NOL4: variants seen among roughly 807,000 people sequenced by gnomAD.
NOL4 encodes the protein nucleolar protein 4.
NOL4 carries 17 observed loss-of-function variants against 75.9 expected under a neutral mutation model. The observed-to-expected ratio is 0.22, with a 90% CI of 0.15 to 0.34. The LOEUF (loss-of-function observed/expected upper bound fraction) is 0.34. Among genes scored for constraint, NOL4 ranks in the 10% least tolerant of loss-of-function variants. NOL4 has a pLI of 1.00. For missense variants in NOL4, 614 were observed against 793.5 expected, an observed-to-expected ratio of 0.77 and a Z score of 2.72; for synonymous variants, 292 against 289.9, an observed-to-expected ratio of 1.01 and a Z score of -0.07.
At chr18:33,885,175 C>T (rs1056299184) in intron 9 of NOL4, among the ~76,000 whole-genome samples, 14 of 152,080 alleles carry the variant, frequency 9.2e-5, no homozygotes, top group Non-Finnish European at 1.8e-4. Context: ...AAAAATCATT[C>T]CTCTGAGATA....
chr18:34,191,010 G>A (rs1465453175), intron 1 of NOL4, among the ~76,000 whole-genome samples: 2 of 151,986 alleles, frequency 1.3e-5, no homozygotes, highest in Non-Finnish European at 2.9e-5. Flanking sequence ...TAAAGATATT[G>A]CTTAAAAATC....
intron 10 of NOL4, among the ~76,000 whole-genome samples, chr18:33,870,349 G>A (rs1320353658): frequency 2.0e-5 from 3 of 152,016 alleles, no homozygotes; most frequent in Non-Finnish European, 4.4e-5. Flanking sequence ...TGAATAGGGA[G>A]TAGGGAATAT....
chr18:33,871,642 G>T (rs905943323), intron 10 of NOL4, among the ~76,000 whole-genome samples: 3 of 151,974 alleles, frequency 2.0e-5, no homozygotes, highest in Non-Finnish European at 4.4e-5. Context: ...AAGAAGGAAG[G>T]TCCCAGGATA....
chr18:33,970,988 G>C (rs776611754), intron 6 of NOL4, among the ~76,000 whole-genome samples: 1 of 152,146 alleles, frequency 6.6e-6, no homozygotes, highest in Non-Finnish European at 1.5e-5. Context: ...GAAGGAAAAG[G>C]TGGTGTGCTT....
At chr18:34,090,972 A>T (rs577542909) in intron 5 of NOL4, among the ~76,000 whole-genome samples, 1 of 152,214 alleles carries the variant, frequency 6.6e-6, no homozygotes, top group South Asian at 2.1e-4. Flanking sequence ...ATTGAAACTT[A>T]ATCTCCAGCA....
intron 9 of NOL4, among the ~76,000 whole-genome samples, chr18:33,903,838 T>A (rs1019518848): frequency 6.6e-6 from 1 of 152,102 alleles, no homozygotes; most frequent in Non-Finnish European, 1.5e-5. Context: ...ACTAGGCCAA[T>A]CCATTTTGCA....
intron 5 of NOL4, among the ~76,000 whole-genome samples, chr18:34,079,224 C>G (rs1225239436): frequency 6.6e-6 from 1 of 152,066 alleles, no homozygotes; most frequent in African/African-American, 2.4e-5. Flanking sequence ...AGTGTATTCT[C>G]CCCTAATTAT....
Position 34,033,603 on chromosome 18 carries a change from G to A in NOL4, c.773-14002C>T, listed in dbSNP as rs1231938500. Reference sequence around the variant, plus strand: ...TTATGGGAGTCCCATAAAGCAAAGAGAAAATTGAAGCATTCTATAACTTAT... The same window carrying A: ...TTATGGGAGTCCCATAAAGCAAAGAAAAAATTGAAGCATTCTATAACTTAT... On this transcript the variant is annotated intron_variant, in intron 5 of 10. Transcript: ENST00000261592. 2.6e-5 allele frequency among the ~76,000 whole-genome samples: 4 copies of A among 152,004 alleles called. 1 individual carries two copies. Among genetic ancestry groups the A allele is most frequent in the African/African-American group, 7.2e-5 (3 of 41,430 alleles).
chr18:34,139,049 C>A (rs2145972536), intron 1 of NOL4, among the ~76,000 whole-genome samples: 1 of 152,248 alleles, frequency 6.6e-6, no homozygotes, highest in South Asian at 2.1e-4. Flanking sequence ...GGTGGATAAG[C>A]TTTTTGATGT....
At chr18:34,207,932 G>A (rs1241230093) in intron 1 of NOL4, among the ~76,000 whole-genome samples, 1 of 152,158 alleles carries the variant, frequency 6.6e-6, no homozygotes, top group Non-Finnish European at 1.5e-5. Context: ...GAGCAGGGCT[G>A]CCCTCATGCT....
chr18:33,900,779 G>A (rs767628294), intron 9 of NOL4, among the ~76,000 whole-genome samples: 11 of 152,256 alleles, frequency 7.2e-5, no homozygotes, highest in South Asian at 4.1e-4. Flanking sequence ...AGAGGCCAGC[G>A]AAAGTACCAA....
At chr18:33,944,502 TC>T (rs2068710249) in intron 8 of NOL4, among the ~76,000 whole-genome samples, 2 of 151,718 alleles carry the variant, frequency 1.3e-5, no homozygotes, top group South Asian at 2.1e-4. Context: ...TCCTCACTAC[TC>T]CCCCTCCAAA....
chr18:33,972,848 C>A (rs150160600), intron 6 of NOL4, among the ~76,000 whole-genome samples: 4 of 152,184 alleles, frequency 2.6e-5, no homozygotes, highest in Non-Finnish European at 5.9e-5. Flanking sequence ...AATCATTGGA[C>A]CCTTCAGTAA....
At chr18:33,970,056 G>A (rs1043237358) in intron 6 of NOL4, among the ~76,000 whole-genome samples, 1 of 152,160 alleles carries the variant, frequency 6.6e-6, no homozygotes, top group Non-Finnish European at 1.5e-5. Flanking sequence ...CTACAGTGGG[G>A]TCCAAGAATT....
chr18:34,026,172 C>G (rs2087390699), intron 5 of NOL4, among the ~76,000 whole-genome samples: 2 of 152,098 alleles, frequency 1.3e-5, no homozygotes, highest in African/African-American at 4.8e-5. Flanking sequence ...AATTTTATTT[C>G]CTAGGTTTTC....
intron 2 of NOL4, among the ~76,000 whole-genome samples, chr18:34,127,860 A>T (rs1201702576): frequency 6.6e-6 from 1 of 151,924 alleles, no homozygotes; most frequent in East Asian, 1.9e-4. Flanking sequence ...CCTTCATGGT[A>T]TCAGGAAAAG....
At chr18:34,125,074 C>T (rs1019579464) in intron 2 of NOL4, among the ~76,000 whole-genome samples, 3 of 152,122 alleles carry the variant, frequency 2.0e-5, no homozygotes, top group African/African-American at 7.2e-5. Context: ...GTATCAATGA[C>T]TGCTGGCAGC....
intron 9 of NOL4, among the ~76,000 whole-genome samples, chr18:33,884,211 A>G (rs1057190775): frequency 1.3e-5 from 2 of 152,026 alleles, no homozygotes; most frequent in Non-Finnish European, 2.9e-5. Flanking sequence ...TCCATTTTGC[A>G]TCCTTTTATC....
At chr18:34,100,252 T>A (rs2078984991) in intron 4 of NOL4, among the ~76,000 whole-genome samples, 1 of 152,154 alleles carries the variant, frequency 6.6e-6, no homozygotes, top group South Asian at 2.1e-4. Context: ...AAATCATTAT[T>A]TTCCTCTGCT....
Sources: gnomAD v4.1 joint callset for allele counts (sites outside exome capture counted in the v4.1 genomes callset) on GRCh38, gnomAD v4.1.1 for gene constraint, MANE v1.5 for transcripts, NCBI Gene and HGNC (gene_info 2026-07-23, HGNC 2026-07-21) for gene names.